Variants in PBX3 observed in about 807,000 individuals in gnomAD.
PBX3 encodes PBX homeobox 3.
A neutral mutation model predicts 48.5 loss-of-function variants in PBX3; 14 were observed. The observed-to-expected ratio is 0.29, with a 90% CI of 0.19 to 0.45. The LOEUF is 0.45. Among genes scored for constraint, PBX3 ranks in the 20% least tolerant of loss-of-function variants. The pLI is 1.00. For synonymous variants in PBX3, 210 were observed against 200.3 expected, an observed-to-expected ratio of 1.05 and a Z score of -0.41; for missense variants, 386 against 546.7, an observed-to-expected ratio of 0.71 and a Z score of 2.93.
intron 5 of PBX3, among the ~76,000 whole-genome samples, chr9:125,950,630 C>T (rs1842175051): frequency 6.6e-6 from 1 of 152,042 alleles, no homozygotes. Context: ...TACAGGTATG[C>T]ACCACCATGC....
At chr9:125,781,490 G>T (rs1837309913) in intron 2 of PBX3, among the ~76,000 whole-genome samples, 1 of 149,552 alleles carries the variant, frequency 6.7e-6, no homozygotes, top group Non-Finnish European at 1.5e-5. Flanking sequence ...GCTTCGGCTA[G>T]GCATCAGAGG....
chr9:125,932,065 A>G (rs1048999808), intron 4 of PBX3, among the ~76,000 whole-genome samples: 4 of 152,140 alleles, frequency 2.6e-5, no homozygotes, highest in African/African-American at 9.7e-5. Flanking sequence ...TTATGTTTCT[A>G]CTGCTTAGAA....
intron 2 of PBX3, among the ~76,000 whole-genome samples, chr9:125,836,269 T>A (rs945994853): frequency 6.6e-6 from 1 of 151,964 alleles, no homozygotes; most frequent in African/African-American, 2.4e-5. Context: ...CATGGTGAAA[T>A]CCCATCTCTA....
intron 6 of PBX3, 96 bp downstream of exon 6, chr9:125,960,945 AGAG>A: frequency 6.3e-6 from 1 of 158,370 alleles, no homozygotes; most frequent in Non-Finnish European, 1.1e-5. Context: ...TACTGAGGAC[AGAG>A]TGGACTTAAA....
Position 125,759,343 on chromosome 9 carries a change from A to G in PBX3, c.274+10720A>G, listed in dbSNP as rs1158904056. Among the ~76,000 whole-genome samples, 2 of 152,314 alleles carry G rather than the reference A, an allele frequency of 1.3e-5. No homozygotes were observed. Among genetic ancestry groups the G allele is most frequent in the East Asian group, 3.9e-4 (2 of 5,186 alleles). ...AAGTGGCCCCTAGTGATAGTGCTGC[A>G]GTGACTAGATAGAGCAGAGGAGAAT... On this transcript the variant is annotated intron_variant, in intron 2 of 8. Transcript: ENST00000373489. The surrounding 1 kb of genome is among the most constrained non-coding windows in gnomAD (Gnocchi z 4.2).
intron 2 of PBX3, among the ~76,000 whole-genome samples, chr9:125,902,189 AG>A (rs1238038395): frequency 1.3e-5 from 2 of 151,646 alleles, no homozygotes; most frequent in African/African-American, 4.8e-5. Context: ...AAATAAAATT[AG>A]ACTGAATTTT....
At chr9:125,848,958 T>C (rs1839504407) in intron 2 of PBX3, among the ~76,000 whole-genome samples, 1 of 152,004 alleles carries the variant, frequency 6.6e-6, no homozygotes, top group East Asian at 1.9e-4. Flanking sequence ...GAAACACTTA[T>C]TGAACACTTA....
chr9:125,958,792 G>A (rs1055863636), intron 5 of PBX3, among the ~76,000 whole-genome samples: 5 of 152,174 alleles, frequency 3.3e-5, no homozygotes, highest in Non-Finnish European at 5.9e-5. Context: ...CACACAGAGA[G>A]GATATTTGAA....
intron 2 of PBX3, among the ~76,000 whole-genome samples, chr9:125,854,015 A>G (rs993808988): frequency 6.6e-6 from 1 of 152,040 alleles, no homozygotes; most frequent in Non-Finnish European, 1.5e-5. Context: ...CATATATACA[A>G]ACACGCAAAT....
chr9:125,943,185 G>A (rs952326299), intron 5 of PBX3, among the ~76,000 whole-genome samples: 3 of 151,322 alleles, frequency 2.0e-5, no homozygotes, highest in African/African-American at 4.9e-5. Context: ...GGGCAACCTC[G>A]TCTCTACTAA....
At chr9:125,847,951 C>A (rs1839471357) in intron 2 of PBX3, among the ~76,000 whole-genome samples, 1 of 151,982 alleles carries the variant, frequency 6.6e-6, no homozygotes, top group South Asian at 2.1e-4. Flanking sequence ...ATGCCTCATA[C>A]AGGGTCTGGC....
chr9:125,892,010 C>T (rs1840657244), intron 2 of PBX3, among the ~76,000 whole-genome samples: 2 of 152,270 alleles, frequency 1.3e-5, no homozygotes, highest in Middle Eastern at 6.8e-3. Flanking sequence ...ACCTCTGTCT[C>T]CCAGATTCAA....
chr9:125,962,533 A>G (rs1842451642), intron 7 of PBX3, among the ~76,000 whole-genome samples: 1 of 152,240 alleles, frequency 6.6e-6, no homozygotes, highest in African/African-American at 2.4e-5. Flanking sequence ...GTTTAAGAAC[A>G]TGTTGCTGTT....
At chr9:125,933,293 C>A (rs1841761139) in intron 4 of PBX3, among the ~76,000 whole-genome samples, 2 of 152,228 alleles carry the variant, frequency 1.3e-5, no homozygotes, top group South Asian at 4.1e-4. Context: ...ACGAAGCATG[C>A]ACCAATGCAA....
chr9:125,790,612 A>G (rs561707965), intron 2 of PBX3, among the ~76,000 whole-genome samples: 1 of 152,226 alleles, frequency 6.6e-6, no homozygotes, highest in Admixed American at 6.5e-5. Flanking sequence ...TCTGTCACCC[A>G]GGCTGGAGTG....
At chr9:125,938,855 A>G (rs761206235) in intron 5 of PBX3, among the ~76,000 whole-genome samples, 9 of 152,178 alleles carry the variant, frequency 5.9e-5, no homozygotes, top group African/African-American at 1.4e-4. Context: ...TAATTGTACT[A>G]TGGTTATGTG....
intron 2 of PBX3, among the ~76,000 whole-genome samples, chr9:125,880,118 C>T (rs1480109754): frequency 6.6e-6 from 1 of 152,196 alleles, no homozygotes; most frequent in Non-Finnish European, 1.5e-5. Flanking sequence ...AATCTCGGCT[C>T]ACTGCACCCT....
chr9:125,777,518 GC>G (rs1837108273), intron 2 of PBX3, among the ~76,000 whole-genome samples: 2 of 150,718 alleles, frequency 1.3e-5, no homozygotes, highest in African/African-American at 4.9e-5. Context: ...GCCGTGCCTG[GC>G]TAATTTTTTT....
chr9:125,897,141 G>GTTTTTTTTTTTTTTTTTTTT (rs371641194), intron 2 of PBX3, among the ~76,000 whole-genome samples: 1 of 108,930 alleles, frequency 9.2e-6, no homozygotes, highest in Admixed American at 1.0e-4. Flanking sequence ...TTCATTTGTG[G>GTTTTTTTTTTTTTTTTTTTT]TTTTTTTTTT....
Sources: allele counts gnomAD v4.1 joint callset (sites outside exome capture counted in the v4.1 genomes callset), GRCh38; gene constraint gnomAD v4.1.1; non-coding constraint Gnocchi (gnomAD v3.1); transcripts MANE v1.5; gene names NCBI Gene and HGNC (gene_info 2026-07-23, HGNC 2026-07-21).